CEP72: variants seen among roughly 807,000 people sequenced by gnomAD.
The protein encoded by CEP72 is centrosomal protein of 72 kDa.
CEP72 carries 78 observed loss-of-function variants against 65.7 expected under a neutral mutation model. The ratio of observed to expected loss-of-function variants is 1.19; its 90% CI spans 0.99 to 1.43. The LOEUF (loss-of-function observed/expected upper bound fraction) is 1.43, where lower values mean the gene tolerates loss of function less well. Among genes scored for constraint, CEP72 ranks in the 40% most tolerant of loss-of-function variants. The pLI, the probability that CEP72 is intolerant of heterozygous loss-of-function variation, is 0.00. For missense variants in CEP72, 914 were observed against 832.9 expected, an observed-to-expected ratio of 1.10 and a Z score of -1.20; for synonymous variants, 358 against 351.7, an observed-to-expected ratio of 1.02 and a Z score of -0.20.
At chr5:616,835 C>T (rs942680631) in intron 1 of CEP72, among the ~76,000 whole-genome samples, 29 of 147,594 alleles carry the variant, frequency 2.0e-4, no homozygotes, top group African/African-American at 7.1e-4. Context: ...TGTGTGTGCG[C>T]GCGAGTGGGG....
At position 635,366 on chromosome 5, in the gene CEP72, T is replaced by G. The variant is rs1561044800; in HGVS notation, c.692-6T>G. On this transcript the variant is annotated splice_region_variant and splice_polypyrimidine_tract_variant and intron_variant, in intron 5 of 11. Coordinates refer to ENST00000264935, the MANE Select transcript of CEP72 (RefSeq NM_018140.4). ...ATGAAATATTTTATTTACAATATTTTAATAGAATCCAGACATCTGTTGAGC... is the reference window on the plus strand; with the variant it reads ...ATGAAATATTTTATTTACAATATTTGAATAGAATCCAGACATCTGTTGAGC... 6.4e-7 allele frequency: 1 copy of G among 1,572,048 alleles called. No individual in the cohort carries two copies. The highest frequency in any genetic ancestry group is 1.4e-5 in the African/African-American group (1 of 73,760).
At chr5:626,268 T>C (rs542347156) in intron 4 of CEP72, among the ~76,000 whole-genome samples, 6 of 152,330 alleles carry the variant, frequency 3.9e-5, no homozygotes, top group African/African-American at 1.4e-4. Context: ...CAGCATGATG[T>C]TGGGAAGTCT....
chr5:654,455 C>CTGTGTGTG (rs70955277), downstream of CEP72, among the ~76,000 whole-genome samples: 7 of 149,026 alleles, frequency 4.7e-5, no homozygotes, highest in East Asian at 2.0e-4. Flanking sequence ...GTGTGTGCTT[C>CTGTGTGTG]TGTGTGTGTG....
rs772929424 is a variant in CEP72, at chr5:633,901, G to A, written c.645G>A (p.Thr215=). Residue 215 remains threonine (T), a synonymous_variant, in exon 5 of 12, where the codon ACG becomes ACA. Transcript: ENST00000264935. The part of the protein sequence containing the change: ...EWDLGRPPGS[T]SFSQKGREAD... ...ACCTCGGCAGGCCTCCCGGGAGCACGAGCTTCAGCCAGAAGGGGCGTGAGG... is the reference window on the plus strand; with the variant it reads ...ACCTCGGCAGGCCTCCCGGGAGCACAAGCTTCAGCCAGAAGGGGCGTGAGG... 14 of 1,613,162 alleles carry A rather than the reference G, an allele frequency of 8.7e-6. No individual in the cohort carries two copies. The highest frequency in any genetic ancestry group is 2.2e-5 in the East Asian group (1 of 44,894).
In CEP72 at chr5:637,891, G is replaced by A. The variant is rs1737723863; in HGVS notation, c.1206+73G>A. On this transcript the variant is annotated intron_variant, in intron 7 of 11. Coordinates refer to ENST00000264935, the MANE Select transcript of CEP72 (RefSeq NM_018140.4). ...ATGTGGGGCTGTTACGGCTTTGGCG[G>A]GGCCGTGATTACGCCTGCGGCACTG... is the stretch of plus-strand genomic sequence containing the variant. 6 of 1,382,496 alleles carry A rather than the reference G, an allele frequency of 4.3e-6. No individual in the cohort carries two copies. The South Asian group carries it at 7.5e-5, about 17-fold the overall frequency. The allele number at this position is 1,382,496 out of a possible 1,614,324, so 85.6% of individuals were successfully genotyped here. A position where few individuals can be genotyped will look rare whatever the true frequency, so the allele number is the denominator to read the frequency against.
At position 653,245 on chromosome 5, in the gene CEP72, C is replaced by A; in HGVS notation, c.*92C>A. 2.5e-6 allele frequency: 3 copies of A among 1,223,994 alleles called. No individual in the cohort carries two copies. The highest frequency in any genetic ancestry group is 3.2e-5 in the Admixed American group (1 of 31,314). The allele number at this position is 1,223,994 out of a possible 1,614,324, so 75.8% of individuals were successfully genotyped here. On this transcript the variant is annotated 3_prime_UTR_variant, in exon 12 of 12. Coordinates refer to ENST00000264935, the MANE Select transcript of CEP72 (RefSeq NM_018140.4). ...CTTCTTTATTGAGTGTACTGGCTGGCAAGAGTTCTCTCTTCTGTTGGTAAT... is the reference window on the plus strand; with the variant it reads ...CTTCTTTATTGAGTGTACTGGCTGGAAAGAGTTCTCTCTTCTGTTGGTAAT...
intron 1 of CEP72, among the ~76,000 whole-genome samples, chr5:617,564 T>C (rs761521228): frequency 6.6e-6 from 1 of 152,204 alleles, no homozygotes; most frequent in Admixed American, 6.5e-5. Context: ...CCTTGTCCCC[T>C]CCTGACCCTG....
intron 11 of CEP72, among the ~76,000 whole-genome samples, chr5:651,547 G>C (rs565195277): frequency 1.3e-5 from 2 of 152,108 alleles, no homozygotes; most frequent in African/African-American, 4.8e-5. Context: ...GTGTTCAGTT[G>C]GAAACACGGA....
At position 653,353 on chromosome 5, in the gene CEP72, C is replaced by T; in HGVS notation, c.*200C>T. 1 of 479,292 alleles carries T rather than the reference C, an allele frequency of 2.1e-6. No homozygotes were observed. The highest frequency in any genetic ancestry group is 3.6e-6 in the Non-Finnish European group (1 of 274,346). 29.7% of individuals were successfully genotyped at this position (479,292 alleles called of 1,614,324 possible). ...GTAAAATGATATGATTACTCCAAGC[C>T]CTCTGCATGTTTTCAGACAGAACAC... On this transcript the variant is annotated 3_prime_UTR_variant, in exon 12 of 12. Transcript: ENST00000264935.
intron 3 of CEP72, among the ~76,000 whole-genome samples, chr5:622,312 T>C (rs550971487): frequency 6.6e-6 from 1 of 152,386 alleles, no homozygotes; most frequent in South Asian, 2.1e-4. Context: ...TAAAAGTGAC[T>C]TGAGGAGCTG....
intron 3 of CEP72, among the ~76,000 whole-genome samples, chr5:665,494 C>A (rs1739859057): frequency 6.6e-6 from 1 of 152,066 alleles, no homozygotes; most frequent in Non-Finnish European, 1.5e-5. Flanking sequence ...CGGGGTGCCA[C>A]AACCCTAACA....
intron 11 of CEP72, among the ~76,000 whole-genome samples, chr5:650,001 G>A (rs868510706): frequency 1.2e-4 from 16 of 133,444 alleles, no homozygotes; most frequent in Admixed American, 4.3e-4. Flanking sequence ...TGGACTGTGA[G>A]GCGTGGACTG....
chr5:669,258 T>TC (rs1274270102), downstream of CEP72, among the ~76,000 whole-genome samples: 1 of 145,648 alleles, frequency 6.9e-6, no homozygotes, highest in South Asian at 2.3e-4. Flanking sequence ...TCCAGCAGCA[T>TC]CCCCCAGGGG....
intron 7 of CEP72, 70 bp downstream of exon 7, chr5:637,888 G>A: frequency 7.2e-7 from 1 of 1,394,448 alleles, no homozygotes; most frequent in South Asian, 1.5e-5. Flanking sequence ...TACGGCTTTG[G>A]CGGGGCCGTG....
chr5:658,291 G>A (rs553997260), downstream of CEP72, among the ~76,000 whole-genome samples: 10 of 152,184 alleles, frequency 6.6e-5, no homozygotes, highest in East Asian at 1.5e-3. Flanking sequence ...GGCCTAATGC[G>A]AACCACAGGG....
intron 3 of CEP72, among the ~76,000 whole-genome samples, chr5:622,518 CAG>C (rs2126743001): frequency 1.3e-5 from 2 of 152,378 alleles, no homozygotes; most frequent in Non-Finnish European, 2.9e-5. Context: ...GCATCACTGA[CAG>C]GGAAGACCCT....
At chr5:675,497 C>CTGGGGGTACAGGG in the CEP72 span, among the ~76,000 whole-genome samples, 1 of 114,510 alleles carries the variant, frequency 8.7e-6, no homozygotes, top group Non-Finnish European at 1.7e-5. Flanking sequence ...TACATTGTGG[C>CTGGGGGTACAGGG]CGGGGCTGCA....
chr5:674,544 G>A, the CEP72 span, among the ~76,000 whole-genome samples: 1 of 152,130 alleles, frequency 6.6e-6, no homozygotes, highest in Non-Finnish European at 1.5e-5. Context: ...CTCAGGACAA[G>A]GGCACTGTCT....
downstream of CEP72, among the ~76,000 whole-genome samples, chr5:655,163 C>A (rs1240483703): frequency 6.6e-6 from 1 of 151,996 alleles, no homozygotes. The surrounding 1 kb of genome is among the most constrained non-coding windows in gnomAD (Gnocchi z 5.0). Flanking sequence ...GAGTTTGAGA[C>A]CAGCCTGGCC....
Sources: gnomAD v4.1 joint callset for allele counts (sites outside exome capture counted in the v4.1 genomes callset) on GRCh38, gnomAD v4.1.1 for gene constraint, Gnocchi (gnomAD v3.1) non-coding constraint, MANE v1.5 for transcripts, NCBI Gene and HGNC (gene_info 2026-07-23, HGNC 2026-07-21) for gene names.